Variants in FRMD4B observed in about 807,000 individuals in gnomAD.
The protein encoded by FRMD4B is FERM domain-containing protein 4B.
In FRMD4B, 74 loss-of-function variants were observed where a neutral mutation model predicts 141.5. The ratio of observed to expected loss-of-function variants is 0.52; its 90% CI spans 0.43 to 0.63. FRMD4B has a LOEUF of 0.63. Ranked by LOEUF, FRMD4B falls within the 30% of genes least tolerant of loss-of-function variation. The pLI, the probability that FRMD4B is intolerant of heterozygous loss-of-function variation, is 0.00. For synonymous variants in FRMD4B, 506 were observed against 467.9 expected (o/e 1.08, Z -1.05); for missense variants, 1,366 against 1,253.4 (o/e 1.09, Z -1.36).
At chr3:69,266,804 T>C (rs568821770) in intron 5 of FRMD4B, among the ~76,000 whole-genome samples, 64 of 152,326 alleles carry the variant, frequency 4.2e-4, no homozygotes, top group African/African-American at 1.5e-3. Flanking sequence ...GGTCAAAGAC[T>C]GTTAAGAAAC....
intron 21 of FRMD4B, among the ~76,000 whole-genome samples, chr3:69,177,898 TA>T (rs901254859): frequency 2.0e-5 from 3 of 151,792 alleles, no homozygotes; most frequent in African/African-American, 4.8e-5. Flanking sequence ...TTTTTTGTCT[TA>T]AAAAAAAGTG....
chr3:69,184,732 C>G (rs74683257), intron 19 of FRMD4B, among the ~76,000 whole-genome samples: 5,315 of 152,264 alleles, frequency 0.035, 263 homozygotes, highest in African/African-American at 0.11. Context: ...ACACTTGTCT[C>G]ATGTTATCCA....
chr3:69,276,359 A>G (rs1157021720), intron 5 of FRMD4B, among the ~76,000 whole-genome samples: 2 of 151,928 alleles, frequency 1.3e-5, no homozygotes, highest in Non-Finnish European at 2.9e-5. Context: ...TGCAGCCTGA[A>G]ATTCCTGGGC....
At chr3:69,225,694 C>CAAAAAAAAA (rs144489759) in intron 7 of FRMD4B, among the ~76,000 whole-genome samples, 6 of 23,356 alleles carry the variant, frequency 2.6e-4, no homozygotes, top group African/African-American at 1.1e-3. Flanking sequence ...GACTCCGTCT[C>CAAAAAAAAA]AAAAAAAAAA....
chr3:69,525,184 G>C (rs999989472), intron 1 of FRMD4B, among the ~76,000 whole-genome samples: 2 of 151,850 alleles, frequency 1.3e-5, no homozygotes, highest in Admixed American at 1.3e-4. Flanking sequence ...AAAAGTTCTT[G>C]CTAATCCTGC....
At chr3:69,282,089 C>T (rs1419632870) in intron 5 of FRMD4B, among the ~76,000 whole-genome samples, 1 of 152,140 alleles carries the variant, frequency 6.6e-6, no homozygotes, top group African/African-American at 2.4e-5. Flanking sequence ...ATTTATGTAG[C>T]TGTGCAGAGC....
chr3:69,290,846 T>C (rs1700849596), intron 4 of FRMD4B, among the ~76,000 whole-genome samples: 1 of 152,202 alleles, frequency 6.6e-6, no homozygotes, highest in African/African-American at 2.4e-5. Flanking sequence ...TGACTTTGAC[T>C]CTGTGGACAG....
At chr3:69,304,522 ACTCT>A (rs768345823) in intron 3 of FRMD4B, among the ~76,000 whole-genome samples, 192 of 150,784 alleles carry the variant, frequency 1.3e-3, no homozygotes, top group Admixed American at 6.0e-3. Flanking sequence ...AGGGCTGAAT[ACTCT>A]CTGAGTGCCA....
chr3:69,455,312 T>C (rs926583196), intron 1 of FRMD4B, among the ~76,000 whole-genome samples: 3 of 152,222 alleles, frequency 2.0e-5, no homozygotes, highest in Non-Finnish European at 4.4e-5. Flanking sequence ...AGGTTTGTTC[T>C]TTCACTCTTT....
At chr3:69,463,947 C>A (rs556189713) in intron 1 of FRMD4B, among the ~76,000 whole-genome samples, 4 of 152,274 alleles carry the variant, frequency 2.6e-5, no homozygotes, top group South Asian at 4.1e-4. Flanking sequence ...ATCACTTATT[C>A]CCACAGCAGG....
At chr3:69,464,043 A>T (rs1478794643) in intron 1 of FRMD4B, among the ~76,000 whole-genome samples, 1 of 152,222 alleles carries the variant, frequency 6.6e-6, no homozygotes, top group African/African-American at 2.4e-5. Context: ...GGAAAAGTAC[A>T]GTACACCCTT....
At chr3:69,525,143 CA>C (rs1189045370) in intron 1 of FRMD4B, among the ~76,000 whole-genome samples, 3 of 152,146 alleles carry the variant, frequency 2.0e-5, no homozygotes, top group Non-Finnish European at 4.4e-5. Context: ...GAAAGGAAAA[CA>C]AGCTGTTATT....
chr3:69,298,867 GT>G lies in FRMD4B; in HGVS notation c.416+3475del, dbSNP rs368070017. ...ACCCCTCACATAAGATACTTTGCAG[GT>G]TTACTTTACTTAGTGTCAGTCTCTT... On this transcript the variant is annotated intron_variant, in intron 4 of 22. Coordinates refer to ENST00000398540, the MANE Select transcript of FRMD4B (RefSeq NM_015123.3). Among the ~76,000 whole-genome samples, 822 of 151,966 alleles carry G rather than the reference GT, an allele frequency of 5.4e-3. 8 individuals carry two copies. The highest frequency in any genetic ancestry group is 0.018 in the African/African-American group (756 of 41,418).
At chr3:69,242,500 T>C (rs1391729838) in intron 7 of FRMD4B, among the ~76,000 whole-genome samples, 1 of 118,704 alleles carries the variant, frequency 8.4e-6, no homozygotes, top group African/African-American at 3.2e-5. Context: ...TTTTTTTTTT[T>C]TTTTTTTTTT....
At chr3:69,265,458 T>C (rs1222693331) in intron 5 of FRMD4B, among the ~76,000 whole-genome samples, 1 of 131,814 alleles carries the variant, frequency 7.6e-6, no homozygotes, top group East Asian at 2.2e-4. Flanking sequence ...CTTTTTTTTT[T>C]TTTTTTTTGA....
At chr3:69,193,525 CTT>C (rs2107642370) in intron 17 of FRMD4B, 121 bp downstream of exon 17, 1 of 629,566 alleles carries the variant, frequency 1.6e-6, no homozygotes, top group African/African-American at 1.8e-5. Context: ...AAAAAGAAAA[CTT>C]AGTTTTGATC....
At chr3:69,426,747 G>A (rs1015839115) in intron 2 of FRMD4B, among the ~76,000 whole-genome samples, 7 of 152,118 alleles carry the variant, frequency 4.6e-5, no homozygotes, top group South Asian at 4.1e-4. Context: ...AATTTTAACC[G>A]TGAAAACACA....
intron 1 of FRMD4B, among the ~76,000 whole-genome samples, chr3:69,525,246 A>G (rs1396493893): frequency 6.6e-6 from 1 of 152,246 alleles, no homozygotes; most frequent in Non-Finnish European, 1.5e-5. Flanking sequence ...TGGAGCTCAC[A>G]GTCTTTTTTC....
intron 2 of FRMD4B, among the ~76,000 whole-genome samples, chr3:69,424,002 A>C (rs559591028): frequency 5.3e-5 from 8 of 152,310 alleles, no homozygotes; most frequent in African/African-American, 1.9e-4. Flanking sequence ...AGGCAGCTGC[A>C]ATGTCCTTGT....
Sources: gnomAD v4.1 joint callset for allele counts (sites outside exome capture counted in the v4.1 genomes callset) on GRCh38, gnomAD v4.1.1 for gene constraint, MANE v1.5 for transcripts, NCBI Gene and HGNC (gene_info 2026-07-23, HGNC 2026-07-21) for gene names.